UGP2: variants seen among roughly 807,000 people sequenced by gnomAD.
UGP2 encodes UDP-glucose pyrophosphorylase 2.
UGP2 carries 40 observed loss-of-function variants against 49.0 expected under a neutral mutation model. The ratio of observed to expected loss-of-function variants is 0.82; its 90% CI spans 0.63 to 1.06. The LOEUF (loss-of-function observed/expected upper bound fraction) is 1.06, where lower values mean the gene tolerates loss of function less well. Ranked by LOEUF, UGP2 falls within the 50% of genes least tolerant of loss-of-function variation. The pLI, the probability that UGP2 is intolerant of heterozygous loss-of-function variation, is 0.00. For synonymous variants in UGP2, 225 were observed against 213.0 expected, an observed-to-expected ratio of 1.06 and a Z score of -0.49; for missense variants, 460 against 603.5, an observed-to-expected ratio of 0.76 and a Z score of 2.49.
intron 6 of UGP2, 68 bp downstream of exon 6, chr2:63,885,954 CTTT>C: frequency 6.8e-7 from 1 of 1,460,974 alleles, no homozygotes; most frequent in Non-Finnish European, 9.0e-7. Flanking sequence ...AAGTTAAAGA[CTTT>C]TTTATTTGAA....
At chr2:63,858,185 T>G (rs1403910412) in intron 3 of UGP2, among the ~76,000 whole-genome samples, 1 of 152,226 alleles carries the variant, frequency 6.6e-6, no homozygotes, top group Admixed American at 6.5e-5. Context: ...CCAGTATCCC[T>G]GGATATGAAA....
Position 63,891,323 on chromosome 2 carries a change from C to A in UGP2, c.*96C>A. ...AATAGGCAGGTACTTTACTATGTTA[C>A]TGTACCCTGCAGTGTTGATTTTTAA... On this transcript the variant is annotated 3_prime_UTR_variant, in exon 10 of 10. Transcript: ENST00000337130. 2 of 1,001,186 alleles carry A rather than the reference C, an allele frequency of 2.0e-6. No homozygotes were observed. The highest frequency in any genetic ancestry group is 3.0e-6 in the Non-Finnish European group (2 of 667,814). 62.0% of individuals were successfully genotyped at this position (1,001,186 alleles called of 1,614,324 possible). A position where few individuals can be genotyped will look rare whatever the true frequency, so the allele number is the denominator to read the frequency against.
intron 1 of UGP2, chr2:63,855,395 A>G (rs1247179586): frequency 2.1e-6 from 1 of 483,582 alleles, no homozygotes; most frequent in Non-Finnish European, 4.1e-6. Context: ...AAGGGTGGAC[A>G]AATAATCCAG....
chr2:63,848,609 G>C (rs1668828906), intron 1 of UGP2, among the ~76,000 whole-genome samples: 1 of 152,186 alleles, frequency 6.6e-6, no homozygotes, highest in Admixed American at 6.5e-5. Context: ...TGATCCGCCT[G>C]TCTTGGCCTC....
chr2:63,858,023 A>T, intron 3 of UGP2, 87 bp downstream of exon 3: 4 of 1,191,720 alleles, frequency 3.4e-6, no homozygotes, highest in Non-Finnish European at 4.8e-6. Flanking sequence ...TAGGGGACCT[A>T]TAACAATCAT....
intron 3 of UGP2, among the ~76,000 whole-genome samples, chr2:63,873,518 C>T (rs970598575): frequency 6.6e-6 from 1 of 151,972 alleles, no homozygotes. Flanking sequence ...GAAAGAGGCT[C>T]CATTTTTTTA....
chr2:63,849,178 C>A (rs1307347807), intron 1 of UGP2, among the ~76,000 whole-genome samples: 4 of 152,236 alleles, frequency 2.6e-5, no homozygotes, highest in Admixed American at 1.3e-4. Context: ...TAATTGTCTT[C>A]ATGGACCAGA....
At chr2:63,852,933 T>C (rs924994238) in intron 1 of UGP2, among the ~76,000 whole-genome samples, 3 of 152,126 alleles carry the variant, frequency 2.0e-5, no homozygotes, top group African/African-American at 7.2e-5. Flanking sequence ...ATGTTGAGTT[T>C]GAGGTACCCA....
intron 1 of UGP2, among the ~76,000 whole-genome samples, chr2:63,845,647 C>CA (rs2104239911): frequency 6.6e-6 from 1 of 152,052 alleles, no homozygotes; most frequent in South Asian, 2.1e-4. Flanking sequence ...ATACAGTGAA[C>CA]AAAATTTTTT....
At chr2:63,875,076 A>C (rs143000385) in intron 3 of UGP2, among the ~76,000 whole-genome samples, 1 of 152,374 alleles carries the variant, frequency 6.6e-6, no homozygotes, top group East Asian at 1.9e-4. Flanking sequence ...GATCTTTCAA[A>C]TGATCCAGAT....
At chr2:63,886,632 A>G (rs764555737) in intron 7 of UGP2, 94 bp downstream of exon 7, 8 of 1,383,858 alleles carry the variant, frequency 5.8e-6, no homozygotes, top group Non-Finnish European at 6.9e-6. Flanking sequence ...TGTCCCATCT[A>G]TTCCATTGGT....
intron 1 of UGP2, among the ~76,000 whole-genome samples, chr2:63,849,147 A>G (rs1314309413): frequency 2.0e-5 from 3 of 152,220 alleles, no homozygotes; most frequent in Non-Finnish European, 4.4e-5. Context: ...CTTGTGTCCT[A>G]AAAAACAAAC....
At chr2:63,866,366 C>T (rs1271657898) in intron 3 of UGP2, among the ~76,000 whole-genome samples, 2 of 152,188 alleles carry the variant, frequency 1.3e-5, no homozygotes, top group East Asian at 1.9e-4. Context: ...TATGCTTGCA[C>T]TTATTTTTAA....
intron 3 of UGP2, among the ~76,000 whole-genome samples, chr2:63,861,469 T>C (rs1669839276): frequency 6.6e-6 from 1 of 152,050 alleles, no homozygotes; most frequent in South Asian, 2.1e-4. Context: ...ATACAAAATA[T>C]TCTCTAAAGA....
At chr2:63,853,058 A>G (rs764009607) in intron 1 of UGP2, among the ~76,000 whole-genome samples, 3 of 152,128 alleles carry the variant, frequency 2.0e-5, no homozygotes, top group Non-Finnish European at 2.9e-5. Context: ...GGAGAGTGGC[A>G]TGAGAATTGA....
chr2:63,887,258 C>T, intron 7 of UGP2, 144 bp from the exon 8 acceptor site: 1 of 1,104,800 alleles, frequency 9.1e-7, no homozygotes, highest in Non-Finnish European at 1.3e-6. Flanking sequence ...GATCAAGACT[C>T]CTTCTCAAAA....
In UGP2 at chr2:63,882,548, T is replaced by C. The variant is rs1575850135; in HGVS notation, c.338T>C (p.Leu113Pro). 2 of 1,613,446 alleles carry C rather than the reference T, an allele frequency of 1.2e-6. No individual in the cohort carries two copies. The highest frequency in any genetic ancestry group is 1.7e-6 in the Non-Finnish European group (2 of 1,179,494). The change falls in exon 4 of 10, where the codon CTC (leucine) becomes CCC (proline). Residue 113 changes from leucine (L) to proline (P), a missense_variant. Transcript: ENST00000337130. ...TTGAACAAACTAGTGGTGGTGAAACTCAATGGTGGTTTGGGAACCAGCATG... is the reference window on the plus strand; with the variant it reads ...TTGAACAAACTAGTGGTGGTGAAACCCAATGGTGGTTTGGGAACCAGCATG... Reference protein sequence around the residue: ...SVLNKLVVVKLNGGLGTSMGC... With the variant: ...SVLNKLVVVKPNGGLGTSMGC...
intron 3 of UGP2, among the ~76,000 whole-genome samples, chr2:63,874,350 G>C (rs1017780753): frequency 6.6e-6 from 1 of 152,188 alleles, no homozygotes; most frequent in African/African-American, 2.4e-5. Flanking sequence ...AGAGACCACT[G>C]CAATAACACA....
intron 3 of UGP2, among the ~76,000 whole-genome samples, chr2:63,875,118 A>G (rs577449750): frequency 5.9e-5 from 9 of 152,366 alleles, no homozygotes; most frequent in African/African-American, 2.2e-4. Flanking sequence ...TGTGAAATAG[A>G]CAATACATGA....
Sources: allele counts gnomAD v4.1 joint callset (sites outside exome capture counted in the v4.1 genomes callset), GRCh38; gene constraint gnomAD v4.1.1; transcripts MANE v1.5; gene names NCBI Gene and HGNC (gene_info 2026-07-23, HGNC 2026-07-21).